The following SV2C variants were observed in gnomAD, a reference collection of about 807,000 sequenced individuals.
SV2C encodes the protein synaptic vesicle glycoprotein 2C, also known as solute carrier family 22 member B3.
In SV2C, 49 loss-of-function variants were observed where a neutral mutation model predicts 79.7. The observed-to-expected ratio is 0.61, with a 90% CI of 0.49 to 0.78. SV2C has a LOEUF of 0.78. SV2C is among the 30% of genes least tolerant of loss of function. SV2C has a pLI of 0.00. For synonymous variants in SV2C, 334 were observed against 333.2 expected (o/e 1.00, Z -0.03); for missense variants, 833 against 912.9 (o/e 0.91, Z 1.13).
intron 2 of SV2C, among the ~76,000 whole-genome samples, chr5:76,152,568 A>G (rs1749636286): frequency 6.6e-6 from 1 of 152,252 alleles, no homozygotes; most frequent in African/African-American, 2.4e-5. Context: ...AATAAAATGA[A>G]CTTTGCTGAA....
At chr5:76,214,634 A>G (rs1457995831) in intron 4 of SV2C, among the ~76,000 whole-genome samples, 2 of 152,208 alleles carry the variant, frequency 1.3e-5, no homozygotes, top group Non-Finnish European at 2.9e-5. Flanking sequence ...ACATTTTGAC[A>G]ATATAATTCT....
intron 1 of SV2C, among the ~76,000 whole-genome samples, chr5:76,096,233 T>G (rs1397039640): frequency 6.6e-6 from 1 of 152,178 alleles, no homozygotes; most frequent in Non-Finnish European, 1.5e-5. Flanking sequence ...TATCCATTGC[T>G]TCTTTTTCCT....
the SV2C span, among the ~76,000 whole-genome samples, chr5:75,860,796 T>C: frequency 2.6e-5 from 4 of 152,176 alleles, no homozygotes; most frequent in Admixed American, 2.6e-4. Flanking sequence ...CCTACAGCCA[T>C]CTTTTCTTTG....
chr5:76,302,270 T>C (rs1418690115), intron 12 of SV2C, among the ~76,000 whole-genome samples: 2 of 152,186 alleles, frequency 1.3e-5, no homozygotes, highest in African/African-American at 4.8e-5. Context: ...AAGAGGTATC[T>C]AGAACATATC....
intron 4 of SV2C, among the ~76,000 whole-genome samples, chr5:76,233,516 C>G (rs1203568312): frequency 6.9e-6 from 1 of 143,996 alleles, no homozygotes; most frequent in Non-Finnish European, 1.5e-5. Context: ...CTGTCTTGTG[C>G]CAGTTTTCAA....
chr5:76,041,828 C>T, the SV2C span, among the ~76,000 whole-genome samples: 1 of 152,290 alleles, frequency 6.6e-6, no homozygotes, highest in Non-Finnish European at 1.5e-5. Context: ...ACCTTGTTGT[C>T]ATCTTTCATT....
intron 6 of SV2C, chr5:76,286,838 A>G (rs1747372636): frequency 6.6e-6 from 1 of 152,186 alleles, no homozygotes; most frequent in South Asian, 2.1e-4. Context: ...TTGTAAAACC[A>G]TCAGATACCG....
chr5:76,119,160 A>G (rs1398669424), intron 1 of SV2C, among the ~76,000 whole-genome samples: 1 of 152,192 alleles, frequency 6.6e-6, no homozygotes, highest in Non-Finnish European at 1.5e-5. Context: ...GTACCATAGG[A>G]AAAAAATGGT....
At chr5:76,153,561 C>T (rs1414720115) in intron 2 of SV2C, among the ~76,000 whole-genome samples, 2 of 152,170 alleles carry the variant, frequency 1.3e-5, no homozygotes, top group African/African-American at 4.8e-5. Flanking sequence ...ATGATCCCTG[C>T]TCCTGAGAGT....
intron 4 of SV2C, among the ~76,000 whole-genome samples, chr5:76,244,519 T>C (rs901831973): frequency 1.2e-3 from 180 of 152,212 alleles, no homozygotes; most frequent in African/African-American, 4.2e-3. Context: ...ACCCAACAAA[T>C]ATCCAAAATG....
intron 12 of SV2C, among the ~76,000 whole-genome samples, chr5:76,304,615 G>T (rs988132950): frequency 3.3e-5 from 5 of 152,224 alleles, no homozygotes; most frequent in African/African-American, 1.2e-4. Flanking sequence ...AGGCTGGCAA[G>T]TTCAAGATCA....
intron 3 of SV2C, among the ~76,000 whole-genome samples, chr5:76,201,545 C>T (rs1046385818): frequency 3.3e-5 from 5 of 152,176 alleles, no homozygotes; most frequent in Non-Finnish European, 5.9e-5. Flanking sequence ...TACTTCATAG[C>T]TATTTGCAAT....
chr5:75,959,915 T>TTC, the SV2C span, among the ~76,000 whole-genome samples: 2 of 152,000 alleles, frequency 1.3e-5, no homozygotes, highest in South Asian at 4.1e-4. Flanking sequence ...CCATTACTGC[T>TTC]TCCTTAGACA....
intron 1 of SV2C, among the ~76,000 whole-genome samples, chr5:76,117,988 T>C (rs954914334): frequency 6.6e-6 from 1 of 152,232 alleles, no homozygotes; most frequent in Non-Finnish European, 1.5e-5. Flanking sequence ...ATCCTTCCTA[T>C]ATGAAGAGCT....
At chr5:75,954,852 T>C in the SV2C span, among the ~76,000 whole-genome samples, 19 of 142,206 alleles carry the variant, frequency 1.3e-4, no homozygotes, top group Non-Finnish European at 2.0e-4. Context: ...GTGAAGGACC[T>C]CTTCAAGGAG....
chr5:76,156,187 T>C (rs544168955), intron 2 of SV2C, among the ~76,000 whole-genome samples: 66 of 152,178 alleles, frequency 4.3e-4, no homozygotes, highest in Non-Finnish European at 7.8e-4. Context: ...CATATACCCA[T>C]AGCAATCAAC....
the SV2C span, among the ~76,000 whole-genome samples, chr5:76,022,291 A>G: frequency 3.3e-5 from 5 of 152,330 alleles, no homozygotes; most frequent in African/African-American, 4.8e-5. Flanking sequence ...TGAGTGACAG[A>G]TGCCAGGAGA....
At chr5:76,244,562 A>G (rs1296442334) in intron 4 of SV2C, among the ~76,000 whole-genome samples, 1 of 152,258 alleles carries the variant, frequency 6.6e-6, no homozygotes, top group Non-Finnish European at 1.5e-5. Context: ...TAAAAATGAG[A>G]TAGTTTACAT....
chr5:75,993,669 G>T, the SV2C span, among the ~76,000 whole-genome samples: 1 of 151,968 alleles, frequency 6.6e-6, no homozygotes, highest in Admixed American at 6.6e-5. Flanking sequence ...TCTGGCCCTG[G>T]GTTACCTGAG....
Sources: gnomAD v4.1 joint callset for allele counts (sites outside exome capture counted in the v4.1 genomes callset) on GRCh38, gnomAD v4.1.1 for gene constraint, MANE v1.5 for transcripts, NCBI Gene and HGNC (gene_info 2026-07-23, HGNC 2026-07-21) for gene names.